Variants in PTPRM observed in about 807,000 individuals in gnomAD.
PTPRM encodes protein tyrosine phosphatase receptor type M.
A neutral mutation model predicts 186.7 loss-of-function variants in PTPRM; 47 were observed. The ratio of observed to expected loss-of-function variants is 0.25; its 90% CI spans 0.20 to 0.32. The LOEUF (loss-of-function observed/expected upper bound fraction) is 0.32, where lower values mean the gene tolerates loss of function less well. PTPRM is among the 10% of genes least tolerant of loss of function. The pLI, the probability that PTPRM is intolerant of heterozygous loss-of-function variation, is 1.00. For missense variants in PTPRM, 1,494 were observed against 1,865.0 expected (o/e 0.80, Z 3.66); for synonymous variants, 668 against 674.9 (o/e 0.99, Z 0.16).
chr18:8,159,617 C>G (rs1346307389), intron 14 of PTPRM, among the ~76,000 whole-genome samples: 1 of 152,168 alleles, frequency 6.6e-6, no homozygotes, highest in African/African-American at 2.4e-5. Flanking sequence ...GGATTTAGTG[C>G]TTTGCTTACT....
intron 2 of PTPRM, among the ~76,000 whole-genome samples, chr18:7,818,909 G>T (rs1018226883): frequency 6.6e-6 from 1 of 152,222 alleles, no homozygotes; most frequent in East Asian, 1.9e-4. Flanking sequence ...GTACAGAAGG[G>T]TGGAGAGGAT....
At chr18:7,854,216 A>G (rs989640755) in intron 2 of PTPRM, among the ~76,000 whole-genome samples, 8 of 152,192 alleles carry the variant, frequency 5.3e-5, no homozygotes, top group South Asian at 4.1e-4. Flanking sequence ...TCTTTCTTCT[A>G]TCATGTTACC....
At chr18:8,319,324 C>G (rs2095331100) in intron 22 of PTPRM, 110 bp downstream of exon 22, 7 of 735,190 alleles carry the variant, frequency 9.5e-6, no homozygotes, top group Non-Finnish European at 6.7e-6. Flanking sequence ...TATTGCGGTT[C>G]TAGCCATCGG....
At chr18:8,165,585 A>T (rs921957379) in intron 14 of PTPRM, among the ~76,000 whole-genome samples, 2 of 152,208 alleles carry the variant, frequency 1.3e-5, no homozygotes, top group Non-Finnish European at 2.9e-5. Context: ...GTACCGCCAA[A>T]ACACTGGTGA....
chr18:7,968,696 AAG>A, intron 7 of PTPRM, among the ~76,000 whole-genome samples: 1 of 38,368 alleles, frequency 2.6e-5, no homozygotes, highest in Non-Finnish European at 5.1e-5. Context: ...AACAAAGATC[AAG>A]AGAGACAAAG....
At chr18:8,374,012 T>C (rs2095680281) in intron 24 of PTPRM, among the ~76,000 whole-genome samples, 1 of 152,138 alleles carries the variant, frequency 6.6e-6, no homozygotes, top group African/African-American at 2.4e-5. Context: ...ACTGATGACA[T>C]CTATGATGTT....
intron 2 of PTPRM, among the ~76,000 whole-genome samples, chr18:7,793,053 C>T (rs1193981999): frequency 2.6e-5 from 4 of 152,130 alleles, no homozygotes; most frequent in African/African-American, 9.7e-5. Flanking sequence ...AGGAATGTCC[C>T]ACAATTAAAA....
chr18:7,740,684 T>C (rs1007094400), intron 1 of PTPRM, among the ~76,000 whole-genome samples: 20 of 152,178 alleles, frequency 1.3e-4, no homozygotes, highest in African/African-American at 4.6e-4. Context: ...CCTCCCAAAA[T>C]GTTGGAATTA....
intron 7 of PTPRM, among the ~76,000 whole-genome samples, chr18:8,010,626 G>C (rs1227695199): frequency 1.3e-5 from 2 of 152,184 alleles, no homozygotes; most frequent in Non-Finnish European, 2.9e-5. Context: ...GGGGGCAGGT[G>C]GGTTAAGGAG....
At chr18:7,757,823 C>T (rs1343612229) in intron 1 of PTPRM, among the ~76,000 whole-genome samples, 3 of 152,068 alleles carry the variant, frequency 2.0e-5, no homozygotes, top group Non-Finnish European at 4.4e-5. Flanking sequence ...TGCATGGTTG[C>T]AGGCGAGTGG....
chr18:8,137,846 C>T (rs79431357), intron 13 of PTPRM, among the ~76,000 whole-genome samples: 1 of 152,068 alleles, frequency 6.6e-6, no homozygotes, highest in African/African-American at 2.4e-5. Context: ...CCTCCCTCAT[C>T]CCCTCCACTC....
chr18:7,751,178 G>C (rs1049439935), intron 1 of PTPRM: 1 of 152,138 alleles, frequency 6.6e-6, no homozygotes, highest in Non-Finnish European at 1.5e-5. Context: ...GCCCTGATCT[G>C]CTGACCCCAG....
At position 7,845,655 on chromosome 18, in the gene PTPRM, T is replaced by C. The variant is rs2046557771; in HGVS notation, c.197-42451T>C. On this transcript the variant is annotated intron_variant, in intron 2 of 32. Transcript: ENST00000580170. Reference sequence around the variant, plus strand: ...CATTTATGGACAACATTCCCTGTTATTCTAAGTTTGACAGTGTCTTTTTAT... The same window carrying C: ...CATTTATGGACAACATTCCCTGTTACTCTAAGTTTGACAGTGTCTTTTTAT... Among the ~76,000 whole-genome samples, 4 of 152,246 alleles carry C rather than the reference T, an allele frequency of 2.6e-5. No homozygotes were observed. In the South Asian group the frequency reaches 8.3e-4, roughly 31 times the overall value.
intron 14 of PTPRM, among the ~76,000 whole-genome samples, chr18:8,155,511 C>T (rs1009775422): frequency 1.3e-5 from 2 of 152,192 alleles, no homozygotes; most frequent in African/African-American, 4.8e-5. Context: ...AAACACTATA[C>T]CTCCATCTCC....
intron 4 of PTPRM, among the ~76,000 whole-genome samples, chr18:7,915,016 T>G (rs1443179460): frequency 6.6e-6 from 1 of 152,164 alleles, no homozygotes; most frequent in Non-Finnish European, 1.5e-5. Context: ...CAAATTACTC[T>G]TCTCTGATTT....
Position 7,772,844 on chromosome 18 carries a change from A to T in PTPRM, c.74-1305A>T, listed in dbSNP as rs1171315895. Among the ~76,000 whole-genome samples, 3 of 152,266 alleles carry T rather than the reference A, an allele frequency of 2.0e-5. No homozygotes were observed. In the South Asian group the frequency reaches 6.2e-4, roughly 32 times the overall value. ...ATGTTTTCTTGAATGAGAACACTTA[A>T]TTGTCATCAGTGGCAAACAATTATA... On this transcript the variant is annotated intron_variant, in intron 1 of 32. Transcript: ENST00000580170.
At chr18:8,347,105 C>T (rs1177423851) in intron 23 of PTPRM, among the ~76,000 whole-genome samples, 1 of 152,180 alleles carries the variant, frequency 6.6e-6, no homozygotes, top group Non-Finnish European at 1.5e-5. Flanking sequence ...GAAAGAGGTA[C>T]CTGGAGCCCA....
intron 1 of PTPRM, among the ~76,000 whole-genome samples, chr18:7,728,071 G>A (rs891696742): frequency 1.3e-5 from 2 of 152,132 alleles, no homozygotes; most frequent in African/African-American, 4.8e-5. Context: ...TTCTTTGAAG[G>A]CTTCCCCAAG....
chr18:7,721,876 T>A (rs2040452776), intron 1 of PTPRM, among the ~76,000 whole-genome samples: 1 of 152,206 alleles, frequency 6.6e-6, no homozygotes, highest in Admixed American at 6.5e-5. Flanking sequence ...TTTACAGAAA[T>A]AATCAAATGA....
Sources: allele counts gnomAD v4.1 joint callset (sites outside exome capture counted in the v4.1 genomes callset), GRCh38; gene constraint gnomAD v4.1.1; transcripts MANE v1.5; gene names NCBI Gene and HGNC (gene_info 2026-07-23, HGNC 2026-07-21).